The following FOXP2 variants were observed in gnomAD, a reference collection of about 807,000 sequenced individuals.
FOXP2 encodes the protein forkhead box protein P2.
A neutral mutation model predicts 115.8 loss-of-function variants in FOXP2; 12 were observed. The observed-to-expected ratio is 0.10, with a 90% CI of 0.07 to 0.17. The LOEUF (loss-of-function observed/expected upper bound fraction) is 0.17. Among genes scored for constraint, FOXP2 ranks in the 10% least tolerant of loss-of-function variants. FOXP2 has a pLI of 1.00. For synonymous variants in FOXP2, 328 were observed against 297.7 expected, an observed-to-expected ratio of 1.10 and a Z score of -1.05; for missense variants, 629 against 843.5, an observed-to-expected ratio of 0.75 and a Z score of 3.15.
At chr7:114,346,421 A>G (rs1180195407) in intron 2 of FOXP2, among the ~76,000 whole-genome samples, 1 of 151,836 alleles carries the variant, frequency 6.6e-6, no homozygotes, top group African/African-American at 2.4e-5. Context: ...GAATAATCCT[A>G]TTACTGAGTG....
intron 2 of FOXP2, among the ~76,000 whole-genome samples, chr7:114,308,985 T>A (rs1468694396): frequency 6.6e-6 from 1 of 152,170 alleles, no homozygotes; most frequent in African/African-American, 2.4e-5. Flanking sequence ...TCTCCATGAT[T>A]TTCTCAAATT....
chr7:114,470,006 C>T (rs1005129014), intron 2 of FOXP2, among the ~76,000 whole-genome samples: 1 of 152,130 alleles, frequency 6.6e-6, no homozygotes, highest in Non-Finnish European at 1.5e-5. Context: ...TAGTCCTTAA[C>T]TTCTAGGAGT....
rs188345314 is a variant in FOXP2 at position 114,519,621 on chromosome 7, A to G, written c.169-14996A>G. Among the ~76,000 whole-genome samples, 5 of 152,290 alleles carry G rather than the reference A, an allele frequency of 3.3e-5. No individual in the cohort carries two copies. The East Asian group carries it at 7.7e-4, about 24-fold the overall frequency. On this transcript the variant is annotated intron_variant, in intron 2 of 16. Transcript: ENST00000350908. Reference sequence around the variant, plus strand: ...CTGTTAGGTGCCAGTTATGTAAATGAAGATAATTACAAGAGAGTGCCAAAA... The same window carrying G: ...CTGTTAGGTGCCAGTTATGTAAATGGAGATAATTACAAGAGAGTGCCAAAA...
At chr7:114,613,516 A>G (rs988058226) in intron 3 of FOXP2, among the ~76,000 whole-genome samples, 1 of 152,012 alleles carries the variant, frequency 6.6e-6, no homozygotes, top group Non-Finnish European at 1.5e-5. Flanking sequence ...TCTACTAAAA[A>G]TACAAAAAAT....
At chr7:114,519,710 T>C (rs1798518321) in intron 2 of FOXP2, among the ~76,000 whole-genome samples, 1 of 152,136 alleles carries the variant, frequency 6.6e-6, no homozygotes, top group South Asian at 2.1e-4. Flanking sequence ...AAGAAGCCTT[T>C]GAGGGGGGCA....
chr7:114,272,858 C>A (rs1528093), intron 1 of FOXP2, among the ~76,000 whole-genome samples: 101,395 of 151,514 alleles, frequency 0.67, 34,382 homozygotes, highest in Middle Eastern at 0.83. Context: ...ATAAAGGCGC[C>A]TCAATTTTAC....
intron 1 of FOXP2, among the ~76,000 whole-genome samples, chr7:114,187,578 C>T (rs1034818237): frequency 2.0e-5 from 3 of 152,186 alleles, no homozygotes; most frequent in Non-Finnish European, 4.4e-5. Context: ...AAAGAATTGC[C>T]CTTAATGCTT....
chr7:114,087,606 CGCGGCGGCGCACGTGCGGCGGCG>C (rs1554412021), upstream of FOXP2: 1 of 147,932 alleles, frequency 6.8e-6, no homozygotes, highest in African/African-American at 2.4e-5. Context: ...CCTTCGCGCT[CGCGGCGGCGCACGTGCGGCGGCG>C]GCGGCGGCGC....
At chr7:114,459,835 C>T (rs555502603) in intron 2 of FOXP2, among the ~76,000 whole-genome samples, 16 of 152,154 alleles carry the variant, frequency 1.1e-4, no homozygotes, top group East Asian at 3.9e-4. Context: ...CGGTTGATCT[C>T]GAACCGCTGA....
chr7:114,448,250 A>G (rs190632148), intron 2 of FOXP2, among the ~76,000 whole-genome samples: 45 of 152,286 alleles, frequency 3.0e-4, no homozygotes, highest in African/African-American at 9.9e-4. Context: ...TTGATTTTTT[A>G]TAATAACTAC....
At chr7:114,446,695 A>C (rs532326622) in intron 2 of FOXP2, among the ~76,000 whole-genome samples, 1 of 152,084 alleles carries the variant, frequency 6.6e-6, no homozygotes, top group South Asian at 2.1e-4. Flanking sequence ...GTTCTAATTT[A>C]ATAATTTCAT....
chr7:114,622,978 C>T (rs1804334906), intron 3 of FOXP2, among the ~76,000 whole-genome samples: 1 of 151,878 alleles, frequency 6.6e-6, no homozygotes, highest in African/African-American at 2.4e-5. Flanking sequence ...ATGGTGTTTT[C>T]ATAAATGACT....
chr7:114,246,531 G>C (rs1242558652), intron 1 of FOXP2, among the ~76,000 whole-genome samples: 1 of 152,030 alleles, frequency 6.6e-6, no homozygotes, highest in African/African-American at 2.4e-5. Flanking sequence ...TACAAACTTA[G>C]AGAGTTTTGG....
At chr7:114,414,488 C>T (rs1256024786), upstream of FOXP2, 1 of 152,846 alleles carries the variant, frequency 6.5e-6, no homozygotes, top group Non-Finnish European at 1.5e-5. Flanking sequence ...TATCTTAATA[C>T]ATCATCCTCT....
At chr7:114,203,577 C>T (rs773089516) in intron 1 of FOXP2, among the ~76,000 whole-genome samples, 14 of 152,148 alleles carry the variant, frequency 9.2e-5, no homozygotes, top group Non-Finnish European at 1.3e-4. Flanking sequence ...CTCCTGGGCT[C>T]AAGTGATCCT....
intron 1 of FOXP2, among the ~76,000 whole-genome samples, chr7:114,142,177 C>T (rs1282542752): frequency 6.6e-6 from 1 of 152,086 alleles, no homozygotes; most frequent in Admixed American, 6.5e-5. Context: ...TGCCCACCAC[C>T]ACGTCCAGCC....
At chr7:114,316,161 T>C (rs925690657) in intron 2 of FOXP2, among the ~76,000 whole-genome samples, 14 of 152,220 alleles carry the variant, frequency 9.2e-5, no homozygotes, top group African/African-American at 3.4e-4. Flanking sequence ...CTCAAATTTT[T>C]TGCTGGGTAC....
At chr7:114,574,720 G>A (rs1045658001) in intron 3 of FOXP2, among the ~76,000 whole-genome samples, 4 of 151,830 alleles carry the variant, frequency 2.6e-5, no homozygotes, top group South Asian at 4.1e-4. Flanking sequence ...TTTTACATAG[G>A]ATTCTGCCAG....
intron 1 of FOXP2, among the ~76,000 whole-genome samples, chr7:114,094,310 A>G (rs534770836): frequency 2.6e-5 from 4 of 152,334 alleles, no homozygotes; most frequent in Admixed American, 6.5e-5. Context: ...AGCCCTCCAT[A>G]TAACACCACA....
Sources: gnomAD v4.1 joint callset for allele counts (sites outside exome capture counted in the v4.1 genomes callset) on GRCh38, gnomAD v4.1.1 for gene constraint, MANE v1.5 for transcripts, NCBI Gene and HGNC (gene_info 2026-07-23, HGNC 2026-07-21) for gene names.